Variants in ATP13A5 observed in about 807,000 individuals in gnomAD.
The protein encoded by ATP13A5 is probable cation-transporting ATPase 13A5.
In ATP13A5, 149 loss-of-function variants were observed where a neutral mutation model predicts 150.2. The observed-to-expected ratio is 0.99, with a 90% CI of 0.87 to 1.14. ATP13A5 has a LOEUF of 1.14. Ranked by LOEUF, ATP13A5 falls within the 50% of genes most tolerant of loss-of-function variation. The probability of loss-of-function intolerance (pLI) is 0.00; values close to 1 mark genes in which losing one functional copy is unlikely to be tolerated. For synonymous variants in ATP13A5, 497 were observed against 522.2 expected, an observed-to-expected ratio of 0.95 and a Z score of 0.66; for missense variants, 1,383 against 1,449.3, an observed-to-expected ratio of 0.95 and a Z score of 0.74.
At chr3:193,364,884 C>G (rs1019118149) in intron 1 of ATP13A5, among the ~76,000 whole-genome samples, 5 of 151,902 alleles carry the variant, frequency 3.3e-5, no homozygotes, top group African/African-American at 1.2e-4. Context: ...ATTTATTTAC[C>G]CTGATAGTAA....
At chr3:193,279,132 C>T (rs1878719) in intron 28 of ATP13A5, among the ~76,000 whole-genome samples, 62,752 of 151,884 alleles carry the variant, frequency 0.41, 14,167 homozygotes, top group African/African-American at 0.59. Context: ...AGTATCCAAA[C>T]AATATTTCAG....
At chr3:193,374,206 C>T (rs373661320) in intron 1 of ATP13A5, among the ~76,000 whole-genome samples, 12 of 151,934 alleles carry the variant, frequency 7.9e-5, no homozygotes, top group Admixed American at 7.2e-4. Flanking sequence ...TAATACCTAT[C>T]GGTCATTGAG....
At position 193,353,610 on chromosome 3, in the gene ATP13A5, T is replaced by C. The variant is rs542827641; in HGVS notation, c.606+517A>G. Reference sequence around the variant, plus strand: ...AGGCAATTAGGTTTAGATGAGGTCATGAAGGTAGAGATCCCACGATGGGAT... The same window carrying C: ...AGGCAATTAGGTTTAGATGAGGTCACGAAGGTAGAGATCCCACGATGGGAT... On this transcript the variant is annotated intron_variant, in intron 6 of 29. Transcript: ENST00000342358. Among the ~76,000 whole-genome samples, 11 of 152,194 alleles carry C rather than the reference T, an allele frequency of 7.2e-5. No individual in the cohort carries two copies. The South Asian group carries it at 1.0e-3, about 14-fold the overall frequency.
At chr3:193,281,558 A>G (rs769632192) in intron 27 of ATP13A5, among the ~76,000 whole-genome samples, 7 of 152,182 alleles carry the variant, frequency 4.6e-5, no homozygotes, top group Admixed American at 1.3e-4. Flanking sequence ...TAATGTTCAC[A>G]TTTGTTTCCA....
Position 193,333,685 on chromosome 3 carries a change from C to G in ATP13A5, c.1272+65G>C. ...GATCAAGATGTAACCTAAACCAATC[C>G]TCTGAGTTAGGTCAAGCTCTTTGCA... On this transcript the variant is annotated intron_variant, in intron 11 of 29. Transcript: ENST00000342358. 2.1e-6 allele frequency: 3 copies of G among 1,461,362 alleles called. No individual in the cohort carries two copies. In the Admixed American group the frequency reaches 5.6e-5, roughly 27 times the overall value. 90.5% of individuals were successfully genotyped at this position (1,461,362 alleles called of 1,614,324 possible).
At chr3:193,301,401 C>T in intron 23 of ATP13A5, 94 bp from the exon 24 acceptor site, 1 of 851,920 alleles carries the variant, frequency 1.2e-6, no homozygotes, top group Middle Eastern at 3.6e-4. Context: ...TTTTAGTAGC[C>T]TGTTGACATA....
intron 9 of ATP13A5, 50 bp downstream of exon 9, chr3:193,343,877 T>G: frequency 6.3e-7 from 1 of 1,585,034 alleles, no homozygotes; most frequent in East Asian, 2.2e-5. Flanking sequence ...GATATGTTGA[T>G]CTGATTAGAT....
rs544142978 is a variant in ATP13A5, at chr3:193,352,083, G to A, written c.607-882C>T. Among the ~76,000 whole-genome samples the A allele has an allele frequency of 5.3e-5, 8 of 152,246 alleles. 1 individual carries two copies. The South Asian group carries it at 1.0e-3, about 20-fold the overall frequency. On this transcript the variant is annotated intron_variant, in intron 6 of 29. Transcript: ENST00000342358. ...ATCATTATGAATTGGATGAAATATT[G>A]GTTAAAACCAGTGCTATTCTCTCTT... is the stretch of plus-strand genomic sequence containing the variant.
chr3:193,354,734 A>G (rs936491490), intron 5 of ATP13A5, among the ~76,000 whole-genome samples: 4 of 151,680 alleles, frequency 2.6e-5, no homozygotes, highest in African/African-American at 9.8e-5. Flanking sequence ...TATATTATAC[A>G]CAAGGTGTAA....
intron 27 of ATP13A5, among the ~76,000 whole-genome samples, chr3:193,283,283 A>G (rs909937787): frequency 6.6e-6 from 1 of 152,202 alleles, no homozygotes; most frequent in African/African-American, 2.4e-5. Context: ...TTAGATTTTA[A>G]AAGCACTTTA....
chr3:193,366,066 A>G (rs1448892467), intron 1 of ATP13A5, among the ~76,000 whole-genome samples: 1 of 152,090 alleles, frequency 6.6e-6, no homozygotes, highest in Non-Finnish European at 1.5e-5. Flanking sequence ...GTGCAGCATT[A>G]TCTGTAATAG....
In ATP13A5 at chr3:193,344,872, G is replaced by T. The variant is rs1318460232; in HGVS notation, c.814+131C>A. The T allele has an allele frequency of 8.0e-6, 7 of 876,180 alleles. No individual in the cohort carries two copies. In the Admixed American group the frequency reaches 8.7e-5, roughly 11 times the overall value. The allele number at this position is 876,180 out of a possible 1,614,324, so 54.3% of individuals were successfully genotyped here. A position where few individuals can be genotyped will look rare whatever the true frequency, so the allele number is the denominator to read the frequency against. On this transcript the variant is annotated intron_variant, in intron 8 of 29. Coordinates refer to ENST00000342358, the MANE Select transcript of ATP13A5 (RefSeq NM_198505.4). ...ATTTTCTATCTTAGAGGGCTTCTTT[G>T]CCTCACCCTCGTCCCAGTTCTGGGT...
At chr3:193,348,434 A>G (rs936338706) in intron 7 of ATP13A5, among the ~76,000 whole-genome samples, 2 of 152,152 alleles carry the variant, frequency 1.3e-5, no homozygotes, top group East Asian at 3.8e-4. Flanking sequence ...GATACTCCCA[A>G]TGCTATTTCT....
chr3:193,339,847 C>T (rs1291122125), intron 9 of ATP13A5, among the ~76,000 whole-genome samples: 1 of 152,102 alleles, frequency 6.6e-6, no homozygotes, highest in Non-Finnish European at 1.5e-5. Flanking sequence ...CTTAGGCTAA[C>T]ATCAGTAAAC....
In ATP13A5 at chr3:193,275,059, A is replaced by G. The variant is rs1396087464; in HGVS notation, c.3640T>C (p.Phe1214Leu). 1 of 1,614,044 alleles carries G rather than the reference A, an allele frequency of 6.2e-7. No homozygotes were observed. The highest frequency in any genetic ancestry group is 1.3e-5 in the African/African-American group (1 of 74,924). The change falls in exon 30 of 30, where the codon TTC (phenylalanine) becomes CTC (leucine). Residue 1214 changes from phenylalanine to leucine, a missense_variant. This residue lies in a region of ATP13A5 where 568 missense variants were observed against 621.5 expected (regional missense o/e 0.91). Transcript: ENST00000342358. Reference protein sequence around the residue: ...KLGGQPTEQHFWARL With the variant: ...KLGGQPTEQHLWARL ...AATTCTGATTACAGCCTGGCCCAGA[A>G]ATGCTGTTCTGTGGGTTGGCCTCCC...
At position 193,311,909 on chromosome 3, in the gene ATP13A5, G is replaced by A. The variant is rs1404433942; in HGVS notation, c.2352C>T (p.Thr784=). Residue 784 remains threonine (T), a synonymous_variant, in exon 20 of 30, where the codon ACC becomes ACT. Coordinates refer to ENST00000342358, the MANE Select transcript of ATP13A5 (RefSeq NM_198505.4). ...AACAGCTTCCTCCTTCCCCACGAGG[G>A]GTTGAACTGTTTCCAGTATGCATGT... is the stretch of plus-strand genomic sequence containing the variant. The part of the protein sequence containing the change: ...EIYMHTGNSS[T]PRGEGGSCYH... 2 of 1,613,834 alleles carry A rather than the reference G, an allele frequency of 1.2e-6. No homozygotes were observed. Among genetic ancestry groups the A allele is most frequent in the Non-Finnish European group, 8.5e-7 (1 of 1,179,830 alleles).
intron 5 of ATP13A5, among the ~76,000 whole-genome samples, chr3:193,360,566 C>A (rs965317307): frequency 3.3e-5 from 5 of 152,166 alleles, no homozygotes; most frequent in African/African-American, 1.2e-4. Flanking sequence ...TTTCACTCCC[C>A]AAATAACATA....
intron 27 of ATP13A5, among the ~76,000 whole-genome samples, chr3:193,284,224 T>C (rs962596995): frequency 6.6e-6 from 1 of 151,898 alleles, no homozygotes; most frequent in Admixed American, 6.6e-5. Context: ...AAGGTCTCAC[T>C]GTGTTGCCCA....
Position 193,331,311 on chromosome 3 carries a change from C to G in ATP13A5, c.1273G>C (p.Val425Leu). The stretch of plus-strand genomic sequence containing the variant: ...ATGGTCACAGTATCTTTTGGAGGAA[C>G]CTGGGAGAGGACAGACATTTTCATA... Reference protein sequence around the residue: ...YALGVYMYHGVPPKDTVTMAL... With the variant: ...YALGVYMYHGLPPKDTVTMAL... The change falls in exon 12 of 30, where the codon GTT (valine) becomes CTT (leucine). Residue 425 changes from valine (V) to leucine (L), a missense_variant and splice_region_variant. Val to Leu is a conservative substitution (Grantham distance 32, BLOSUM62 1). Coordinates refer to ENST00000342358, the MANE Select transcript of ATP13A5 (RefSeq NM_198505.4). The G allele has an allele frequency of 1.9e-6, 3 of 1,611,832 alleles. No homozygotes were observed. Among genetic ancestry groups the G allele is most frequent in the Non-Finnish European group, 2.5e-6 (3 of 1,179,344 alleles).
Sources: gnomAD v4.1 joint callset for allele counts (sites outside exome capture counted in the v4.1 genomes callset) on GRCh38, gnomAD v4.1.1 for gene constraint, gnomAD v4.1.1 regional missense constraint, MANE v1.5 for transcripts, NCBI Gene and HGNC (gene_info 2026-07-23, HGNC 2026-07-21) for gene names.